ANO2: variants seen among roughly 807,000 people sequenced by gnomAD.
ANO2 encodes anoctamin 2.
ANO2 carries 101 observed loss-of-function variants against 124.2 expected under a neutral mutation model. The observed-to-expected ratio is 0.81, with a 90% CI of 0.69 to 0.96. The LOEUF (loss-of-function observed/expected upper bound fraction) is 0.96. Among genes scored for constraint, ANO2 ranks in the 40% least tolerant of loss-of-function variants. ANO2 has a pLI of 0.00. For synonymous variants in ANO2, 486 were observed against 482.5 expected (o/e 1.01, Z -0.09); for missense variants, 1,293 against 1,274.5 (o/e 1.01, Z -0.22).
intron 10 of ANO2, among the ~76,000 whole-genome samples, chr12:5,765,818 A>G (rs767423079): frequency 5.3e-5 from 8 of 152,252 alleles, no homozygotes; most frequent in Non-Finnish European, 1.0e-4. Flanking sequence ...CATATATCCA[A>G]TAAGGGATTT....
rs186905705 is a variant in ANO2 at position 5,658,953 on chromosome 12, G to A, written c.1546-11152C>T. 4.6e-5 allele frequency among the ~76,000 whole-genome samples: 7 copies of A among 152,260 alleles called. No homozygotes were observed. The highest frequency in any genetic ancestry group is 2.6e-4 in the Admixed American group (4 of 15,298). On this transcript the variant is annotated intron_variant, in intron 14 of 24. Transcript: ENST00000682330. This position sits in a 1 kb window ranked among gnomAD's most constrained non-coding sequence, Gnocchi z 4.3. ...CATTGCTTTATCCACCAGGGACCCTGTGGCCCCAACTGATAAGGAAACCCA... is the reference window on the plus strand; with the variant it reads ...CATTGCTTTATCCACCAGGGACCCTATGGCCCCAACTGATAAGGAAACCCA...
chr12:5,854,949 T>TTC (rs55948021), intron 3 of ANO2, among the ~76,000 whole-genome samples: 3 of 151,486 alleles, frequency 2.0e-5, no homozygotes, highest in Non-Finnish European at 2.9e-5. Flanking sequence ...TTTTTTTTTT[T>TTC]CAAAACAAGC....
At chr12:5,812,402 AGGAG>A (rs1469304976) in intron 7 of ANO2, among the ~76,000 whole-genome samples, 2,497 of 136,152 alleles carry the variant, frequency 0.018, 31 homozygotes, top group Non-Finnish European at 0.03. Flanking sequence ...GAAGGAAGGA[AGGAG>A]GGAGGGAGGG....
At chr12:5,582,237 T>C (rs933564927) in intron 20 of ANO2, among the ~76,000 whole-genome samples, 4 of 152,190 alleles carry the variant, frequency 2.6e-5, no homozygotes, top group Non-Finnish European at 5.9e-5. Context: ...AAACTTTGAG[T>C]TGATTTTCAA....
chr12:5,734,603 C>T (rs1283841324), intron 13 of ANO2, among the ~76,000 whole-genome samples: 1 of 152,142 alleles, frequency 6.6e-6, no homozygotes, highest in East Asian at 1.9e-4. Context: ...GGCTCACCTC[C>T]CCCCATGCTG....
chr12:5,655,322 T>C (rs1947102748), intron 14 of ANO2, among the ~76,000 whole-genome samples: 1 of 152,158 alleles, frequency 6.6e-6, no homozygotes, highest in Non-Finnish European at 1.5e-5. Flanking sequence ...AGGACTTTGT[T>C]CTCCTTTATC....
intron 14 of ANO2, among the ~76,000 whole-genome samples, chr12:5,725,292 T>C (rs1591998173): frequency 6.6e-6 from 1 of 152,332 alleles, no homozygotes; most frequent in Non-Finnish European, 1.5e-5. Flanking sequence ...TTATTCATTA[T>C]GTCAGGGGTG....
At chr12:5,758,613 C>A (rs138276524) in intron 10 of ANO2, among the ~76,000 whole-genome samples, 1 of 152,156 alleles carries the variant, frequency 6.6e-6, no homozygotes, top group African/African-American at 2.4e-5. Flanking sequence ...CACTCCAGGG[C>A]TCACACAAAG....
intron 10 of ANO2, among the ~76,000 whole-genome samples, chr12:5,764,722 T>G (rs1951832253): frequency 6.6e-6 from 1 of 151,920 alleles, no homozygotes; most frequent in Non-Finnish European, 1.5e-5. Flanking sequence ...TTCTCCTGCT[T>G]TTTTCCAACT....
At chr12:5,715,331 C>G (rs778210551) in intron 14 of ANO2, among the ~76,000 whole-genome samples, 2 of 152,196 alleles carry the variant, frequency 1.3e-5, no homozygotes, top group African/African-American at 2.4e-5. Context: ...CCTGCCAAAA[C>G]CTGGCCTTAG....
chr12:5,822,049 G>C (rs1953817250), intron 7 of ANO2, among the ~76,000 whole-genome samples: 1 of 152,192 alleles, frequency 6.6e-6, no homozygotes, highest in African/African-American at 2.4e-5. Flanking sequence ...CCACCCAAAA[G>C]TGGACAGCTG....
At chr12:5,869,247 T>C (rs1370274384) in intron 3 of ANO2, among the ~76,000 whole-genome samples, 1 of 152,120 alleles carries the variant, frequency 6.6e-6, no homozygotes, top group South Asian at 2.1e-4. Context: ...CCAAGAAGCC[T>C]TTCTGGACTT....
At chr12:5,827,897 C>A (rs1954027060) in intron 6 of ANO2, 77 bp from the exon 7 acceptor site, 2 of 1,513,172 alleles carry the variant, frequency 1.3e-6, no homozygotes, top group South Asian at 2.4e-5. Flanking sequence ...TCACCACTGC[C>A]TGGCAGGGGC....
intron 14 of ANO2, among the ~76,000 whole-genome samples, chr12:5,660,983 G>A (rs1446853253): frequency 6.6e-6 from 1 of 152,222 alleles, no homozygotes. Flanking sequence ...AAGGTTCATA[G>A]CAACCTCTCA....
intron 4 of ANO2, among the ~76,000 whole-genome samples, chr12:5,845,865 G>C (rs2137240953): frequency 6.6e-6 from 1 of 152,258 alleles, no homozygotes; most frequent in East Asian, 1.9e-4. Context: ...TTGTTGTGAA[G>C]GTGAAAACAA....
chr12:5,588,322 GA>G (rs2136863404), intron 20 of ANO2, among the ~76,000 whole-genome samples: 1 of 152,296 alleles, frequency 6.6e-6, no homozygotes, highest in East Asian at 1.9e-4. Context: ...TGGAACGGGG[GA>G]GGTCTAGCCA....
At chr12:5,699,145 T>C (rs1222516614) in intron 14 of ANO2, among the ~76,000 whole-genome samples, 1 of 152,156 alleles carries the variant, frequency 6.6e-6, no homozygotes, top group African/African-American at 2.4e-5. Flanking sequence ...AATTGTCAGA[T>C]TCACCAAAGT....
intron 20 of ANO2, among the ~76,000 whole-genome samples, chr12:5,585,974 C>A (rs928892266): frequency 6.6e-6 from 1 of 152,190 alleles, no homozygotes; most frequent in Non-Finnish European, 1.5e-5. Context: ...CGGGGAACCA[C>A]AATGCAGCTA....
At chr12:5,685,781 A>G (rs1948676742) in intron 14 of ANO2, among the ~76,000 whole-genome samples, 1 of 145,096 alleles carries the variant, frequency 6.9e-6, no homozygotes, top group African/African-American at 2.4e-5. Context: ...TGTCTCAACA[A>G]CAACAACAAA....
Sources: allele counts gnomAD v4.1 joint callset (sites outside exome capture counted in the v4.1 genomes callset), GRCh38; gene constraint gnomAD v4.1.1; non-coding constraint Gnocchi (gnomAD v3.1); transcripts MANE v1.5; gene names NCBI Gene and HGNC (gene_info 2026-07-23, HGNC 2026-07-21).